STXBP5L: variants seen among roughly 807,000 people sequenced by gnomAD.
STXBP5L encodes the protein syntaxin binding protein 5L, also known as syntaxin-binding protein 5-like.
STXBP5L carries 65 observed loss-of-function variants against 144.5 expected under a neutral mutation model. The observed-to-expected ratio is 0.45, with a 90% CI of 0.37 to 0.55. The LOEUF (loss-of-function observed/expected upper bound fraction) is 0.55. Ranked by LOEUF, STXBP5L falls within the 20% of genes least tolerant of loss-of-function variation. STXBP5L has a pLI of 0.00. For missense variants in STXBP5L, 1,298 were observed against 1,405.5 expected, an observed-to-expected ratio of 0.92 and a Z score of 1.22; for synonymous variants, 505 against 469.6, an observed-to-expected ratio of 1.08 and a Z score of -0.97.
intron 20 of STXBP5L, among the ~76,000 whole-genome samples, chr3:121,321,352 G>T (rs1261753900): frequency 6.6e-6 from 1 of 152,088 alleles, no homozygotes; most frequent in Non-Finnish European, 1.5e-5. Flanking sequence ...AAGAATATTG[G>T]AAATAATCAC....
chr3:121,072,156 T>C (rs2041837074), intron 5 of STXBP5L, among the ~76,000 whole-genome samples: 1 of 152,248 alleles, frequency 6.6e-6, no homozygotes, highest in Non-Finnish European at 1.5e-5. Context: ...TAATGTCCTT[T>C]AGTAAGATTC....
chr3:121,375,739 C>A (rs1275145371), intron 20 of STXBP5L, among the ~76,000 whole-genome samples: 2 of 152,096 alleles, frequency 1.3e-5, no homozygotes, highest in Admixed American at 6.6e-5. Flanking sequence ...AGGAAATGTA[C>A]AATTATACCT....
At chr3:121,354,475 T>G (rs2045424705) in intron 20 of STXBP5L, among the ~76,000 whole-genome samples, 1 of 151,836 alleles carries the variant, frequency 6.6e-6, no homozygotes, top group African/African-American at 2.4e-5. Context: ...TGGTTTAAAG[T>G]CTCTTTTGTC....
In STXBP5L at chr3:120,957,224, G is replaced by A. The variant is rs190202385; in HGVS notation, c.287+2187G>A. Among the ~76,000 whole-genome samples the A allele has an allele frequency of 4.8e-4, 73 of 152,060 alleles. No individual in the cohort carries two copies. The East Asian group carries it at 0.012, about 24-fold the overall frequency. On this transcript the variant is annotated intron_variant, in intron 3 of 26. Transcript: ENST00000471454. ...TACTACACTGTTTTTATTTACTGTA[G>A]CTTTGTAGATTGGAAACCAGATAGT...
chr3:120,957,430 G>A (rs774872174), intron 3 of STXBP5L, among the ~76,000 whole-genome samples: 1 of 151,932 alleles, frequency 6.6e-6, no homozygotes, highest in Non-Finnish European at 1.5e-5. Context: ...ATGTTGTCTT[G>A]TTGAAATTGA....
intron 10 of STXBP5L, among the ~76,000 whole-genome samples, chr3:121,214,053 T>A (rs1271758923): frequency 6.6e-6 from 1 of 152,162 alleles, no homozygotes; most frequent in African/African-American, 2.4e-5. Context: ...AGTGATGATA[T>A]CCCCTTTATC....
Position 121,037,938 on chromosome 3 carries a change from A to G in STXBP5L, c.288-3762A>G, listed in dbSNP as rs565456161. ...CATTTAGATTGTCAAATTTATTGGC[A>G]TAATTTTTTAAATAATATTTGTTTG... On this transcript the variant is annotated intron_variant, in intron 3 of 26. Transcript: ENST00000471454. Among the ~76,000 whole-genome samples, 9 of 152,120 alleles carry G rather than the reference A, an allele frequency of 5.9e-5. No homozygotes were observed. In the East Asian group the frequency reaches 1.7e-3, roughly 29 times the overall value.
At chr3:121,063,803 C>A (rs886603518) in intron 5 of STXBP5L, among the ~76,000 whole-genome samples, 1 of 148,930 alleles carries the variant, frequency 6.7e-6, no homozygotes, top group Non-Finnish European at 1.5e-5. Context: ...AGCAGAAAAC[C>A]GCCTACTCAA....
intron 5 of STXBP5L, among the ~76,000 whole-genome samples, chr3:121,083,021 C>T (rs547043648): frequency 1.6e-4 from 24 of 151,910 alleles, no homozygotes; most frequent in Non-Finnish European, 3.1e-4. Context: ...CATGGTGAAA[C>T]CCCGTGTCTA....
intron 22 of STXBP5L, among the ~76,000 whole-genome samples, chr3:121,404,219 T>C (rs950331720): frequency 6.6e-5 from 10 of 152,142 alleles, no homozygotes; most frequent in Non-Finnish European, 1.2e-4. Context: ...TCAAAAACAC[T>C]GGAATCACCC....
intron 3 of STXBP5L, among the ~76,000 whole-genome samples, chr3:120,977,509 C>G (rs1157985667): frequency 2.0e-5 from 3 of 152,154 alleles, no homozygotes; most frequent in Non-Finnish European, 4.4e-5. Context: ...ATTTGGCAGT[C>G]TGTGTCTTTT....
chr3:121,417,762 G>A (rs1187119052), intron 25 of STXBP5L, among the ~76,000 whole-genome samples: 1 of 152,202 alleles, frequency 6.6e-6, no homozygotes, highest in Admixed American at 6.5e-5. Context: ...ACCGTGCCCA[G>A]CCACAAATTT....
intron 3 of STXBP5L, among the ~76,000 whole-genome samples, chr3:120,983,451 C>T (rs1941995393): frequency 6.6e-6 from 1 of 151,996 alleles, no homozygotes; most frequent in South Asian, 2.1e-4. Context: ...TTCTCTCTGG[C>T]CTTGTGGCTG....
intron 2 of STXBP5L, among the ~76,000 whole-genome samples, chr3:120,914,510 T>C (rs73185416): frequency 0.13 from 18,987 of 151,830 alleles, 1,565 homozygotes; most frequent in Non-Finnish European, 0.19. Context: ...CTGTAGAGAG[T>C]TGGGCTTTCC....
intron 9 of STXBP5L, among the ~76,000 whole-genome samples, chr3:121,178,691 C>T (rs2047026782): frequency 6.6e-6 from 1 of 152,112 alleles, no homozygotes; most frequent in Non-Finnish European, 1.5e-5. Context: ...TTAACCTTAC[C>T]TGGAGCTGGA....
chr3:121,417,951 G>A (rs1317062826), intron 25 of STXBP5L, among the ~76,000 whole-genome samples: 2 of 152,118 alleles, frequency 1.3e-5, no homozygotes, highest in Non-Finnish European at 2.9e-5. Context: ...ACATGAAGGT[G>A]AACCAAGAAG....
intron 2 of STXBP5L, among the ~76,000 whole-genome samples, chr3:120,951,947 C>T (rs1711267084): frequency 1.3e-5 from 2 of 151,644 alleles, no homozygotes; most frequent in Admixed American, 6.6e-5. Context: ...AAATGTGGCA[C>T]ATATACACCA....
chr3:120,987,712 T>G (rs1403941951), intron 3 of STXBP5L, among the ~76,000 whole-genome samples: 1 of 151,870 alleles, frequency 6.6e-6, no homozygotes, highest in Non-Finnish European at 1.5e-5. Context: ...TTTTAAAAAA[T>G]AAAATTTACA....
chr3:121,045,048 G>C (rs1455366092), intron 4 of STXBP5L, among the ~76,000 whole-genome samples: 1 of 151,960 alleles, frequency 6.6e-6, no homozygotes, highest in East Asian at 1.9e-4. Context: ...AATTTTGTAA[G>C]ACTGCATTGA....
Sources: allele counts gnomAD v4.1 joint callset (sites outside exome capture counted in the v4.1 genomes callset), GRCh38; gene constraint gnomAD v4.1.1; transcripts MANE v1.5; gene names NCBI Gene and HGNC (gene_info 2026-07-23, HGNC 2026-07-21).